CD53: variants seen among roughly 807,000 people sequenced by gnomAD.
The protein encoded by CD53 is leukocyte surface antigen CD53.
Under a neutral mutation model 27.3 loss-of-function variants are expected in CD53, and 20 were observed. That is an observed-to-expected ratio of 0.73 (90% CI 0.52 to 1.07). CD53 has a LOEUF of 1.07. CD53 is among the 50% of genes least tolerant of loss of function. The pLI, the probability that CD53 is intolerant of heterozygous loss-of-function variation, is 0.00. For synonymous variants in CD53, 106 were observed against 105.3 expected (o/e 1.01, Z -0.04); for missense variants, 216 against 264.0 (o/e 0.82, Z 1.26).
At chr1:110,873,539 G>A (rs535350602) in intron 1 of CD53, among the ~76,000 whole-genome samples, 1 of 152,266 alleles carries the variant, frequency 6.6e-6, no homozygotes, top group East Asian at 1.9e-4. Context: ...AGTAATTCCT[G>A]ATGCCTGGAG....
chr1:110,872,461 C>T (rs1655993505), upstream of CD53, among the ~76,000 whole-genome samples: 2 of 152,164 alleles, frequency 1.3e-5, no homozygotes, highest in Admixed American at 1.3e-4. Context: ...TTGAGACTTG[C>T]TCAAGATCTC....
Position 110,899,357 on chromosome 1 carries a change from C to A in CD53, c.*162C>A, listed in dbSNP as rs1441227980. ...ACCAGAGAAGTGGGTGTTGGCCAGGCACATCCCATCTCAGGCAGCAAGACA... is the reference window on the plus strand; with the variant it reads ...ACCAGAGAAGTGGGTGTTGGCCAGGAACATCCCATCTCAGGCAGCAAGACA... On this transcript the variant is annotated 3_prime_UTR_variant, in exon 8 of 8. Transcript: ENST00000271324. 9.0e-6 allele frequency: 5 copies of A among 557,960 alleles called. No homozygotes were observed. Among genetic ancestry groups the A allele is most frequent in the African/African-American group, 1.9e-5 (1 of 52,032 alleles). 34.6% of individuals were successfully genotyped at this position (557,960 alleles called of 1,614,324 possible). A position where few individuals can be genotyped will look rare whatever the true frequency, so the allele number is the denominator to read the frequency against.
intron 1 of CD53, among the ~76,000 whole-genome samples, chr1:110,877,577 C>T (rs1405839726): frequency 6.6e-6 from 1 of 152,204 alleles, no homozygotes; most frequent in Non-Finnish European, 1.5e-5. Context: ...AGGAAGTGAG[C>T]TTCCAAGATC....
At chr1:110,892,589 C>T (rs1281825591) in intron 3 of CD53, 56 bp downstream of exon 3, 1 of 1,378,272 alleles carries the variant, frequency 7.3e-7, no homozygotes, top group Non-Finnish European at 1.0e-6. Context: ...GCCTAAATCC[C>T]AGGCAAGATG....
At chr1:110,884,379 T>C (rs1656482123) in intron 1 of CD53, among the ~76,000 whole-genome samples, 1 of 152,122 alleles carries the variant, frequency 6.6e-6, no homozygotes, top group South Asian at 2.1e-4. Flanking sequence ...ACTTGATTTA[T>C]GGTCCAGAAT....
chr1:110,896,691 C>T lies in CD53; in HGVS notation c.462C>T (p.Thr154=). 1 of 1,613,550 alleles carries T rather than the reference C, an allele frequency of 6.2e-7. No individual in the cohort carries two copies. The highest frequency in any genetic ancestry group is 8.5e-7 in the Non-Finnish European group (1 of 1,179,754). The part of the protein sequence containing the change: ...CCGINGTSDW[T]SGPPASCPSD... ...GTATAAATGGCACGAGTGATTGGAC[C>T]AGTGGCCCACCAGCATCTTGCCCCT... Residue 154 remains threonine, a synonymous_variant, in exon 6 of 8, where the codon ACC becomes ACT. Transcript: ENST00000271324.
Position 110,892,344 on chromosome 1 carries a change from G to C in CD53, c.64-1G>C, listed in dbSNP as rs773823179. 6 of 1,613,280 alleles carry C rather than the reference G, an allele frequency of 3.7e-6. No homozygotes were observed. Among genetic ancestry groups the C allele is most frequent in the Non-Finnish European group, 4.2e-6 (5 of 1,179,226 alleles). ...GGATGTTGTGGGATTCTTCCTTTCA[G>C]ATCTGTGGCTGCTGCATTTTGGGCT... On this transcript the variant is annotated splice_acceptor_variant, in intron 2 of 7. Coordinates refer to ENST00000271324, the MANE Select transcript of CD53 (RefSeq NM_000560.4). LOFTEE classifies it high-confidence loss of function.
chr1:110,874,858 A>T (rs1481260250), intron 1 of CD53, among the ~76,000 whole-genome samples: 1 of 152,198 alleles, frequency 6.6e-6, no homozygotes, highest in Non-Finnish European at 1.5e-5. Flanking sequence ...CTGACTGCAC[A>T]GAGGCCCTCG....
intron 5 of CD53, 114 bp from the exon 6 acceptor site, chr1:110,896,539 C>A: frequency 1.1e-6 from 1 of 927,510 alleles, no homozygotes; most frequent in Non-Finnish European, 1.7e-6. Context: ...CAGACCAATT[C>A]TGGACTTCTG....
intron 3 of CD53, 59 bp downstream of exon 3, chr1:110,892,592 G>T (rs1250389660): frequency 1.2e-5 from 17 of 1,368,970 alleles, no homozygotes; most frequent in Non-Finnish European, 1.6e-5. Context: ...TAAATCCCAG[G>T]CAAGATGTTT....
chr1:110,883,828 A>G (rs1234792830), intron 1 of CD53, among the ~76,000 whole-genome samples: 1 of 151,924 alleles, frequency 6.6e-6, no homozygotes, highest in Admixed American at 6.6e-5. Flanking sequence ...GCATGAAGTC[A>G]TTTATTATAT....
chr1:110,872,059 A>G (rs546074318), upstream of CD53, among the ~76,000 whole-genome samples: 1 of 152,284 alleles, frequency 6.6e-6, no homozygotes, highest in South Asian at 2.1e-4. Context: ...TCCCAGAGGC[A>G]TGCCCGCAAG....
chr1:110,885,290 C>T (rs1656531473), intron 1 of CD53, among the ~76,000 whole-genome samples: 1 of 152,230 alleles, frequency 6.6e-6, no homozygotes, highest in African/African-American at 2.4e-5. Flanking sequence ...GTGGCTCACG[C>T]CTGTAATCCC....
intron 1 of CD53, chr1:110,880,100 C>T (rs1289442629): frequency 3.9e-5 from 6 of 152,204 alleles, no homozygotes; most frequent in South Asian, 2.1e-4. Context: ...AGTTTGGTCA[C>T]GCAGGTTTCC....
chr1:110,897,797 A>T lies in CD53; in HGVS notation c.505-12A>T. ...ATAGAGTAGTATCATTTGTAACTGA[A>T]ATGTCTTCTAGGGTTGCTATGCGAA... On this transcript the variant is annotated splice_polypyrimidine_tract_variant and intron_variant, in intron 6 of 7. Transcript: ENST00000271324. 1 of 1,550,884 alleles carries T rather than the reference A, an allele frequency of 6.4e-7. No homozygotes were observed.
chr1:110,896,819 A>G, intron 6 of CD53, 86 bp downstream of exon 6: 2 of 1,140,704 alleles, frequency 1.8e-6, no homozygotes, highest in Non-Finnish European at 2.6e-6. Context: ...GAGGACCTAG[A>G]CCTTCTATTG....
At chr1:110,894,136 T>C (rs1337478737) in intron 3 of CD53, among the ~76,000 whole-genome samples, 191 bp from the exon 4 acceptor site, 1 of 152,232 alleles carries the variant, frequency 6.6e-6, no homozygotes, top group East Asian at 1.9e-4. Context: ...ACAGTTGATC[T>C]GCCCTCTAGA....
intron 1 of CD53, among the ~76,000 whole-genome samples, chr1:110,877,028 T>C (rs974899574): frequency 1.3e-5 from 2 of 152,222 alleles, no homozygotes; most frequent in African/African-American, 2.4e-5. Context: ...TTAACACTTA[T>C]GCAATATAAT....
At chr1:110,876,930 G>T (rs1182325670) in intron 1 of CD53, among the ~76,000 whole-genome samples, 1 of 152,074 alleles carries the variant, frequency 6.6e-6, no homozygotes, top group African/African-American at 2.4e-5. Context: ...TTTGATTGAT[G>T]CCCTTTCCCC....
Sources: allele counts gnomAD v4.1 joint callset (sites outside exome capture counted in the v4.1 genomes callset), GRCh38; gene constraint gnomAD v4.1.1; transcripts MANE v1.5; gene names NCBI Gene and HGNC (gene_info 2026-07-23, HGNC 2026-07-21).